The following FARP1 variants were observed in gnomAD, a reference collection of about 807,000 sequenced individuals.
The protein encoded by FARP1 is FERM, ARHGEF and pleckstrin domain-containing protein 1.
A neutral mutation model predicts 128.8 loss-of-function variants in FARP1; 52 were observed. The observed-to-expected ratio is 0.40, with a 90% confidence interval of 0.32 to 0.51. The LOEUF is 0.51. FARP1 is among the 20% of genes least tolerant of loss of function. FARP1 has a pLI of 0.45. For missense variants in FARP1, 1,333 were observed against 1,367.9 expected (o/e 0.97, Z 0.40); for synonymous variants, 580 against 551.8 (o/e 1.05, Z -0.72).
intron 2 of FARP1, among the ~76,000 whole-genome samples, chr13:98,259,882 A>AGTGTGTGTGT (rs60886784): frequency 0.13 from 16,781 of 128,622 alleles, 1,314 homozygotes; most frequent in South Asian, 0.19. Flanking sequence ...ATACCTGAAA[A>AGTGTGTGTGT]GTGTGTGTGT....
At chr13:98,321,610 T>C (rs1345590592) in intron 2 of FARP1, among the ~76,000 whole-genome samples, 1 of 152,200 alleles carries the variant, frequency 6.6e-6, no homozygotes, top group Admixed American at 6.5e-5. Context: ...CACTTTAATA[T>C]GGAGGCAGAG....
intron 24 of FARP1, among the ~76,000 whole-genome samples, chr13:98,442,033 C>T (rs1009556953): frequency 6.6e-6 from 1 of 152,250 alleles, no homozygotes; most frequent in African/African-American, 2.4e-5. Context: ...TCATCTCTCA[C>T]TGGCAGTGGA....
chr13:98,378,997 A>T (rs1205612326), intron 6 of FARP1, among the ~76,000 whole-genome samples: 1 of 88,154 alleles, frequency 1.1e-5, no homozygotes, highest in Non-Finnish European at 2.0e-5. Context: ...TATATATATA[A>T]TATATACAAT....
Position 98,390,836 on chromosome 13 carries a change from C to T in FARP1, c.1044C>T (p.Leu348=), listed in dbSNP as rs753813054. ...RFSGRTQKQV[L]DYVKEGGHKK... ...GTGGTCGGACTCAGAAGCAGGTTCT[C>T]GACTATGTTAAAGAAGGAGGACATA... The change falls in exon 11 of 27, where the codon CTC becomes CTT. Residue 348 remains leucine (L), a synonymous_variant. Transcript: ENST00000319562. 19 of 1,613,404 alleles carry T rather than the reference C, an allele frequency of 1.2e-5. No individual in the cohort carries two copies. Among genetic ancestry groups the T allele is most frequent in the African/African-American group, 4.0e-5 (3 of 74,856 alleles).
At chr13:98,323,277 G>GT (rs1287842932) in intron 2 of FARP1, among the ~76,000 whole-genome samples, 3 of 151,930 alleles carry the variant, frequency 2.0e-5, no homozygotes, top group African/African-American at 7.2e-5. Context: ...TGTTGCCACA[G>GT]TTTCATTAAT....
chr13:98,232,937 T>G (rs1429080856), intron 2 of FARP1, among the ~76,000 whole-genome samples: 5 of 152,186 alleles, frequency 3.3e-5, no homozygotes, highest in Admixed American at 3.3e-4. Context: ...ATGGTATCTG[T>G]TGTCATTTAG....
chr13:98,343,890 A>G, intron 3 of FARP1, 24 bp downstream of exon 3: 5 of 1,446,112 alleles, frequency 3.5e-6, no homozygotes, highest in Non-Finnish European at 4.9e-6. Context: ...ACTTAATGTT[A>G]CTATTTTACT....
intron 3 of FARP1, among the ~76,000 whole-genome samples, chr13:98,348,637 C>T (rs746650966): frequency 2.6e-5 from 4 of 152,196 alleles, no homozygotes; most frequent in East Asian, 1.9e-4. Context: ...CATCCGTAGA[C>T]GATGTGAAAT....
At position 98,383,350 on chromosome 13, in the gene FARP1, G is replaced by C. The variant is rs150119292; in HGVS notation, c.497-1380G>C. ...GAAGGGAGAAATCAGTCCAGAAAAGGCAATTAGGAAATAGTGTTGTTGGTC... is the reference window on the plus strand; with the variant it reads ...GAAGGGAGAAATCAGTCCAGAAAAGCCAATTAGGAAATAGTGTTGTTGGTC... On this transcript the variant is annotated intron_variant, in intron 6 of 26. Coordinates refer to ENST00000319562, the MANE Select transcript of FARP1 (RefSeq NM_005766.4). Among the ~76,000 whole-genome samples the C allele has an allele frequency of 2.1e-4, 32 of 152,316 alleles. No individual in the cohort carries two copies. In the East Asian group the frequency reaches 6.2e-3, roughly 29 times the overall value.
At chr13:98,162,275 G>C (rs778895138) in intron 1 of FARP1, among the ~76,000 whole-genome samples, 2 of 152,214 alleles carry the variant, frequency 1.3e-5, no homozygotes, top group Non-Finnish European at 2.9e-5. Context: ...TGTGTGCCAT[G>C]CCTGCGTACA....
intron 1 of FARP1, among the ~76,000 whole-genome samples, chr13:98,154,060 G>A (rs1566671934): frequency 6.6e-6 from 1 of 152,120 alleles, no homozygotes; most frequent in East Asian, 1.9e-4. Flanking sequence ...AACCTTTTGA[G>A]ACTGGCCTCT....
In FARP1 at chr13:98,435,613, C is replaced by A; in HGVS notation, c.2181C>A (p.Leu727=). 6.2e-7 allele frequency: 1 copy of A among 1,613,884 alleles called. No homozygotes were observed. The highest frequency in any genetic ancestry group is 1.3e-5 in the African/African-American group (1 of 75,020). The change falls in exon 19 of 27, where the codon CTC becomes CTA. Residue 727 remains leucine (L), a synonymous_variant. Coordinates refer to ENST00000319562, the MANE Select transcript of FARP1 (RefSeq NM_005766.4). The stretch of plus-strand genomic sequence containing the variant: ...AGATCACGGAGATGGTGGCACAGCT[C>A]CACGGTACGATGATCAAGATGGAGA... The part of the protein sequence containing the change: ...LAEITEMVAQ[L]HGTMIKMENF...
In FARP1 at chr13:98,451,873, G is replaced by C. The variant is rs1178694401; in HGVS notation, c.*3556G>C. ...GACACACTGGCTGCCTGCCTAGCAA[G>C]CATAGGCCCCTTCCAGAGAAGCAAA... On this transcript the variant is annotated 3_prime_UTR_variant, in exon 27 of 27. Transcript: ENST00000319562. 1 of 152,224 alleles carries C rather than the reference G, an allele frequency of 6.6e-6. No homozygotes were observed. The highest frequency in any genetic ancestry group is 1.5e-5 in the Non-Finnish European group (1 of 68,090). The allele number at this position is 152,224 out of a possible 1,614,324, so 9.4% of individuals were successfully genotyped here.
At chr13:98,235,201 C>T (rs539660604) in intron 2 of FARP1, among the ~76,000 whole-genome samples, 3 of 152,108 alleles carry the variant, frequency 2.0e-5, no homozygotes, top group Non-Finnish European at 4.4e-5. Context: ...TGAACACCTT[C>T]ATCAGTTTTA....
intron 2 of FARP1, among the ~76,000 whole-genome samples, chr13:98,227,477 G>A (rs1881863579): frequency 6.6e-6 from 1 of 150,576 alleles, no homozygotes; most frequent in South Asian, 2.1e-4. Context: ...AGAAAAAAAC[G>A]AGTACTGATG....
chr13:98,297,340 CTG>C (rs1284249515), intron 2 of FARP1, among the ~76,000 whole-genome samples: 1 of 152,196 alleles, frequency 6.6e-6, no homozygotes, highest in Non-Finnish European at 1.5e-5. Flanking sequence ...TCGAAGCCAT[CTG>C]TGTGTGTGGT....
chr13:98,199,874 ACT>A (rs1879820544), intron 1 of FARP1, among the ~76,000 whole-genome samples: 1 of 152,048 alleles, frequency 6.6e-6, no homozygotes, highest in Non-Finnish European at 1.5e-5. Flanking sequence ...TAAAGTTTGT[ACT>A]CTCAGAATCA....
chr13:98,411,598 G>A (rs1193548739), intron 15 of FARP1, among the ~76,000 whole-genome samples: 1 of 152,136 alleles, frequency 6.6e-6, no homozygotes, highest in African/African-American at 2.4e-5. Flanking sequence ...CCAGTGAATC[G>A]GCCAGAATGG....
chr13:98,384,194 G>GT (rs1890004215), intron 6 of FARP1: 6 of 122,766 alleles, frequency 4.9e-5, no homozygotes, highest in Non-Finnish European at 8.5e-5. Context: ...TTTTTTTTTT[G>GT]TAGGGGGGCG....
Sources: gnomAD v4.1 joint callset for allele counts (sites outside exome capture counted in the v4.1 genomes callset) on GRCh38, gnomAD v4.1.1 for gene constraint, MANE v1.5 for transcripts, NCBI Gene and HGNC (gene_info 2026-07-23, HGNC 2026-07-21) for gene names.